QTMAN: variants seen among roughly 807,000 people sequenced by gnomAD.
The protein encoded by QTMAN is tRNA-queuosine alpha-mannosyltransferase.
At chr2:144,132,182 T>C in the QTMAN span, among the ~76,000 whole-genome samples, 1 of 151,912 alleles carries the variant, frequency 6.6e-6, no homozygotes, top group Non-Finnish European at 1.5e-5. Flanking sequence ...TAACAAACTT[T>C]TAATAGATGT....
chr2:144,171,363 A>C, the QTMAN span, among the ~76,000 whole-genome samples: 1 of 152,192 alleles, frequency 6.6e-6, no homozygotes, highest in Non-Finnish European at 1.5e-5. Context: ...CTGTGTAAAG[A>C]GGTCTGAAAT....
chr2:144,178,051 A>G, the QTMAN span, among the ~76,000 whole-genome samples: 2 of 152,190 alleles, frequency 1.3e-5, no homozygotes, highest in Non-Finnish European at 2.9e-5. Flanking sequence ...GGTAGGGAAC[A>G]GGGCTATGTT....
chr2:144,145,849 T>C, the QTMAN span: 9 of 756,866 alleles, frequency 1.2e-5, no homozygotes, highest in Non-Finnish European at 1.9e-5. Flanking sequence ...ACATCCCCTA[T>C]AGGGACACAT....
chr2:144,179,100 C>T, the QTMAN span: 2 of 341,910 alleles, frequency 5.8e-6, no homozygotes, highest in Non-Finnish European at 1.2e-5. Context: ...TCAGATTACC[C>T]TCAACTAGAA....
chr2:143,959,809 T>G, the QTMAN span, among the ~76,000 whole-genome samples: 1 of 152,144 alleles, frequency 6.6e-6, no homozygotes, highest in Non-Finnish European at 1.5e-5. Context: ...TTTTATATAT[T>G]CACAAATCAG....
chr2:144,028,314 T>C, the QTMAN span, among the ~76,000 whole-genome samples: 4 of 152,176 alleles, frequency 2.6e-5, no homozygotes, highest in Non-Finnish European at 5.9e-5. Context: ...TGTTGCAAAA[T>C]GAAGGTTATT....
chr2:144,253,448 G>A, the QTMAN span, among the ~76,000 whole-genome samples: 2 of 152,192 alleles, frequency 1.3e-5, no homozygotes, highest in African/African-American at 2.4e-5. Context: ...ACAGGAAAAT[G>A]TGGGAAAGTT....
the QTMAN span, among the ~76,000 whole-genome samples, chr2:144,326,541 T>C: frequency 4.2e-5 from 6 of 143,338 alleles, no homozygotes; most frequent in East Asian, 8.3e-4. Flanking sequence ...GAGCCGAGAT[T>C]GCGCCACTGC....
chr2:144,175,209 G>A, the QTMAN span, among the ~76,000 whole-genome samples: 4 of 151,938 alleles, frequency 2.6e-5, no homozygotes, highest in African/African-American at 9.7e-5. Flanking sequence ...TGGCAGCAAA[G>A]GAACAAAGAA....
chr2:144,053,461 T>C, the QTMAN span, among the ~76,000 whole-genome samples: 1 of 152,212 alleles, frequency 6.6e-6, no homozygotes, highest in Non-Finnish European at 1.5e-5. Flanking sequence ...TATTATTCAG[T>C]ATATTATTAT....
the QTMAN span, among the ~76,000 whole-genome samples, chr2:144,181,198 G>A: frequency 1.3e-5 from 2 of 152,206 alleles, no homozygotes; most frequent in Non-Finnish European, 2.9e-5. Context: ...ACTGCAACAG[G>A]AGTCCAGCTT....
chr2:144,254,909 C>T, the QTMAN span, among the ~76,000 whole-genome samples: 1 of 152,232 alleles, frequency 6.6e-6, no homozygotes, highest in East Asian at 1.9e-4. Context: ...GCATTTCAGA[C>T]TTGCATGGGG....
chr2:144,183,975 C>T, the QTMAN span, among the ~76,000 whole-genome samples: 1 of 152,120 alleles, frequency 6.6e-6, no homozygotes, highest in African/African-American at 2.4e-5. Flanking sequence ...ATGATGGCTA[C>T]GTACAGTGGC....
the QTMAN span, among the ~76,000 whole-genome samples, chr2:144,143,309 T>C: frequency 6.6e-6 from 1 of 151,916 alleles, no homozygotes; most frequent in Admixed American, 6.6e-5. Flanking sequence ...CTAAAAATGA[T>C]AGATCAATAC....
the QTMAN span, chr2:143,952,019 C>T: frequency 1.5e-5 from 24 of 1,601,984 alleles, no homozygotes; most frequent in Non-Finnish European, 2.0e-5. Context: ...TGGTCTCTTG[C>T]AGAAATTCTG....
At chr2:144,202,312 A>C in the QTMAN span, among the ~76,000 whole-genome samples, 1 of 152,236 alleles carries the variant, frequency 6.6e-6, no homozygotes, top group African/African-American at 2.4e-5. Context: ...AGCAAAAGTA[A>C]ACATATTGAC....
chr2:143,979,928 C>A, the QTMAN span, among the ~76,000 whole-genome samples: 1 of 152,282 alleles, frequency 6.6e-6, no homozygotes, highest in African/African-American at 2.4e-5. Flanking sequence ...CATTCCAAAT[C>A]TCTTAGCGAG....
chr2:144,053,218 T>C, the QTMAN span, among the ~76,000 whole-genome samples: 1 of 152,194 alleles, frequency 6.6e-6, no homozygotes, highest in Non-Finnish European at 1.5e-5. Context: ...CATGAAACTT[T>C]TGTTTCAGAT....
chr2:144,042,526 C>T, the QTMAN span, among the ~76,000 whole-genome samples: 1 of 151,940 alleles, frequency 6.6e-6, no homozygotes, highest in African/African-American at 2.4e-5. Flanking sequence ...GAGGCTGAGG[C>T]GGGCAGATCA....
Sources: allele counts gnomAD v4.1 joint callset (sites outside exome capture counted in the v4.1 genomes callset), GRCh38; gene constraint gnomAD v4.1.1; transcripts MANE v1.5; gene names NCBI Gene and HGNC (gene_info 2026-07-23, HGNC 2026-07-21).